The following RBBP8 variants were observed in gnomAD, a reference collection of about 807,000 sequenced individuals.
RBBP8 encodes DNA endonuclease RBBP8.
RBBP8 carries 88 observed loss-of-function variants against 108.3 expected under a neutral mutation model. That is an observed-to-expected ratio of 0.81 (90% CI 0.68 to 0.97). The LOEUF is 0.97. RBBP8 is among the 50% of genes least tolerant of loss of function. The pLI is 0.00. For synonymous variants in RBBP8, 332 were observed against 348.2 expected (o/e 0.95, Z 0.52); for missense variants, 1,023 against 1,049.0 (o/e 0.98, Z 0.34).
intron 16 of RBBP8, among the ~76,000 whole-genome samples, chr18:23,013,997 T>TTTA (rs2046214611): frequency 1.3e-5 from 2 of 152,072 alleles, no homozygotes; most frequent in African/African-American, 4.8e-5. Context: ...GAGATGAATT[T>TTTA]TTTATTTATT....
chr18:22,957,291 CTTTTTTTTT>C (rs11418623), intron 4 of RBBP8, among the ~76,000 whole-genome samples: 1 of 92,842 alleles, frequency 1.1e-5, no homozygotes, highest in Non-Finnish European at 1.9e-5. Context: ...ATTACTTTTT[CTTTTTTTTT>C]TTTTTTTTTT....
intron 4 of RBBP8, among the ~76,000 whole-genome samples, chr18:22,962,832 C>T (rs1473816268): frequency 1.3e-5 from 2 of 152,120 alleles, no homozygotes; most frequent in Non-Finnish European, 2.9e-5. Flanking sequence ...AACTCCTGGC[C>T]TCAAGTGATC....
intron 5 of RBBP8, 126 bp downstream of exon 5, chr18:22,969,044 A>G (rs1006367533): frequency 8.2e-6 from 6 of 735,068 alleles, no homozygotes; most frequent in Non-Finnish European, 1.3e-5. Context: ...AAAAGTTCAA[A>G]TGTCCTTTTT....
At position 23,004,052 on chromosome 18, in the gene RBBP8, G is replaced by A. The variant is rs1248232028; in HGVS notation, c.2288-2311G>A. Among the ~76,000 whole-genome samples the A allele has an allele frequency of 1.5e-4, 12 of 81,782 alleles. 1 individual carries two copies. In the Admixed American group the frequency reaches 2.1e-3, roughly 14 times the overall value. The allele number at this position is 81,782 out of a possible 152,430, so 53.7% of individuals were successfully genotyped here. On this transcript the variant is annotated intron_variant, in intron 15 of 18. Coordinates refer to ENST00000327155, the MANE Select transcript of RBBP8 (RefSeq NM_002894.3). ...AGCCTGGGCAACAGCGCAAGACCCCGTCTCAAAAAAAAAAAAAAAAAAAAA... is the reference window on the plus strand; with the variant it reads ...AGCCTGGGCAACAGCGCAAGACCCCATCTCAAAAAAAAAAAAAAAAAAAAA...
At chr18:22,921,921 A>C (rs1460576942) in intron 3 of RBBP8, among the ~76,000 whole-genome samples, 1 of 152,208 alleles carries the variant, frequency 6.6e-6, no homozygotes, top group Non-Finnish European at 1.5e-5. Context: ...GTAAAGTTAT[A>C]GTAAAAACAG....
rs893874009 is a variant in RBBP8, at chr18:23,025,995, G to A, written c.2597-148G>A. On this transcript the variant is annotated intron_variant, in intron 18 of 18. Coordinates refer to ENST00000327155, the MANE Select transcript of RBBP8 (RefSeq NM_002894.3). ...AATGAGGAAACTGATGCTAAATAGT[G>A]AGATCAATCATCAGCATCACACAGC... is the stretch of plus-strand genomic sequence containing the variant. The A allele has an allele frequency of 1.2e-5, 8 of 690,152 alleles. No individual in the cohort carries two copies. In the African/African-American group the frequency reaches 1.4e-4, roughly 12 times the overall value. 42.8% of individuals were successfully genotyped at this position (690,152 alleles called of 1,614,324 possible).
At chr18:22,978,842 T>TA (rs2144638904) in intron 6 of RBBP8, among the ~76,000 whole-genome samples, 1 of 152,348 alleles carries the variant, frequency 6.6e-6, no homozygotes, top group Admixed American at 6.5e-5. Context: ...TAAATGTTTT[T>TA]ACTACAAAAA....
chr18:22,959,771 C>CTGTATCAT (rs1912912142), intron 4 of RBBP8, among the ~76,000 whole-genome samples: 3 of 150,694 alleles, frequency 2.0e-5, no homozygotes, highest in African/African-American at 7.3e-5. Context: ...TGTTTTATGG[C>CTGTATCAT]TGTATCATTT....
At chr18:22,996,278 C>T in intron 12 of RBBP8, 96 bp from the exon 13 acceptor site, 2 of 1,538,842 alleles carry the variant, frequency 1.3e-6, no homozygotes, top group Non-Finnish European at 1.7e-6. Context: ...ATATGATTTG[C>T]AAAAATTTTC....
At chr18:23,004,284 T>TAC (rs921462631) in intron 15 of RBBP8, among the ~76,000 whole-genome samples, 27 of 149,992 alleles carry the variant, frequency 1.8e-4, no homozygotes, top group Non-Finnish European at 2.7e-4. Flanking sequence ...TATATATATA[T>TAC]ACACACACAC....
In RBBP8 at chr18:22,982,381, G is replaced by A. The variant is rs781525750; in HGVS notation, c.592G>A (p.Val198Met). The A allele has an allele frequency of 1.2e-5, 20 of 1,613,954 alleles. No homozygotes were observed. In the Admixed American group the frequency reaches 3.0e-4, roughly 24 times the overall value. The change falls in exon 7 of 19, where the codon GTG (valine) becomes ATG (methionine). Residue 198 changes from valine (V) to methionine (M), a missense_variant. Coordinates refer to ENST00000327155, the MANE Select transcript of RBBP8 (RefSeq NM_002894.3). ...AACACATACTAAATTGGAGCACTCT[G>A]TGTGTGCAAATGGTAAGAGTTGGAG... is the stretch of plus-strand genomic sequence containing the variant. ...EQTHTKLEHS[V>M]CANEMRKVSK...
At chr18:22,936,331 G>A (rs951396884) in intron 1 of RBBP8, among the ~76,000 whole-genome samples, 5 of 152,022 alleles carry the variant, frequency 3.3e-5, no homozygotes, top group Admixed American at 6.6e-5. Context: ...CAAACTCCTG[G>A]CCTCAAGTGA....
In RBBP8 at chr18:22,993,416, AG is replaced by A; in HGVS notation, c.1592del (p.Gly531AlafsTer34). On this transcript the variant is annotated frameshift_variant, in exon 11 of 19. Transcript: ENST00000327155. LOFTEE classifies it high-confidence loss of function. Reference sequence around the variant, plus strand: ...TATGAGGCTTTGAAGACCATTCCAAAGGGCTTTTCCTCAAGCCGTAAGGCCT... The same window carrying A: ...TATGAGGCTTTGAAGACCATTCCAAAGGCTTTTCCTCAAGCCGTAAGGCCT... ...TLYEALKTIP[K>X]GFSSSRKASD... 1 of 1,614,264 alleles carries A rather than the reference AG, an allele frequency of 6.2e-7. No homozygotes were observed. Among genetic ancestry groups the A allele is most frequent in the South Asian group, 1.1e-5 (1 of 91,092 alleles).
intron 5 of RBBP8, among the ~76,000 whole-genome samples, chr18:22,972,089 C>G (rs1035873586): frequency 6.6e-6 from 1 of 151,218 alleles, no homozygotes; most frequent in African/African-American, 2.4e-5. Context: ...GGCGCGTTGG[C>G]TCACGCCTGT....
chr18:22,917,416 C>A (rs1444624338), intron 3 of RBBP8, among the ~76,000 whole-genome samples: 1 of 152,172 alleles, frequency 6.6e-6, no homozygotes, highest in African/African-American at 2.4e-5. Flanking sequence ...TTTTCTCCAT[C>A]TAGTTAAGGA....
chr18:22,990,889 A>G (rs529867350), intron 9 of RBBP8, 48 bp from the exon 10 acceptor site: 1 of 1,410,368 alleles, frequency 7.1e-7, no homozygotes, highest in South Asian at 1.2e-5. Flanking sequence ...CTTTTTAAGA[A>G]TGAACAAATC....
chr18:22,985,664 T>G (rs79886870), intron 8 of RBBP8, among the ~76,000 whole-genome samples: 4,954 of 152,156 alleles, frequency 0.033, 104 homozygotes, highest in South Asian at 0.062. Flanking sequence ...GGTGTATAGG[T>G]TGGGGCGGGG....
intron 6 of RBBP8, among the ~76,000 whole-genome samples, chr18:22,980,714 G>GT (rs78281669): frequency 0.02 from 2,706 of 136,842 alleles, 72 homozygotes; most frequent in African/African-American, 0.057. Context: ...TCTTTTTGGG[G>GT]TTTTTTTTTT....
chr18:22,975,960 G>A (rs999654720), intron 6 of RBBP8, among the ~76,000 whole-genome samples: 4 of 152,052 alleles, frequency 2.6e-5, no homozygotes, highest in African/African-American at 7.2e-5. Flanking sequence ...CTAACTTTTA[G>A]TTCCCATTTA....
Sources: gnomAD v4.1 joint callset for allele counts (sites outside exome capture counted in the v4.1 genomes callset) on GRCh38, gnomAD v4.1.1 for gene constraint, MANE v1.5 for transcripts, NCBI Gene and HGNC (gene_info 2026-07-23, HGNC 2026-07-21) for gene names.